The following RORA variants were observed in gnomAD, a reference collection of about 807,000 sequenced individuals.
RORA encodes the protein nuclear receptor ROR-alpha.
In RORA, 7 loss-of-function variants were observed where a neutral mutation model predicts 69.5. The observed-to-expected ratio is 0.10, with a 90% CI of 0.06 to 0.19. The LOEUF is 0.19. Ranked by LOEUF, RORA falls within the 10% of genes least tolerant of loss-of-function variation. The probability of loss-of-function intolerance (pLI) is 1.00; values close to 1 mark genes in which losing one functional copy is unlikely to be tolerated. For synonymous variants in RORA, 261 were observed against 240.8 expected (o/e 1.08, Z -0.78); for missense variants, 457 against 663.0 (o/e 0.69, Z 3.41).
At chr15:61,008,191 TTCTCTC>T (rs546893051) in intron 1 of RORA, among the ~76,000 whole-genome samples, 138 of 135,240 alleles carry the variant, frequency 1.0e-3, no homozygotes, top group Non-Finnish European at 1.7e-3. Context: ...AATTTCAAAA[TTCTCTC>T]TCTCTCTGTG....
At chr15:61,100,742 C>T (rs1026408818) in intron 1 of RORA, among the ~76,000 whole-genome samples, 2 of 152,214 alleles carry the variant, frequency 1.3e-5, no homozygotes, top group African/African-American at 4.8e-5. Flanking sequence ...ATCACCAGCA[C>T]ATGCCCTCAG....
chr15:60,518,069 G>A (rs1403911495), intron 3 of RORA, among the ~76,000 whole-genome samples: 4 of 151,952 alleles, frequency 2.6e-5, no homozygotes, highest in Admixed American at 6.6e-5. Flanking sequence ...TCGCTATGTT[G>A]CCCAGGCTGG....
intron 1 of RORA, among the ~76,000 whole-genome samples, chr15:60,943,336 C>G (rs540812887): frequency 7.3e-5 from 11 of 151,084 alleles, no homozygotes; most frequent in African/African-American, 2.7e-4. Flanking sequence ...TTAAAGTTAG[C>G]TTAGGAACGT....
intron 2 of RORA, among the ~76,000 whole-genome samples, chr15:60,631,980 T>C (rs1244059534): frequency 6.6e-6 from 1 of 152,220 alleles, no homozygotes; most frequent in East Asian, 1.9e-4. Flanking sequence ...GGGTATACTT[T>C]TATAAGAACC....
In RORA at chr15:60,881,938, C is replaced by T. The variant is rs145558901; in HGVS notation, c.167-203252G>A. Among the ~76,000 whole-genome samples, 634 of 152,346 alleles carry T rather than the reference C, an allele frequency of 4.2e-3. 4 individuals carry two copies. The highest frequency in any genetic ancestry group is 0.015 in the African/African-American group (604 of 41,588). On this transcript the variant is annotated intron_variant, in intron 1 of 10. Coordinates refer to ENST00000335670, the MANE Select transcript of RORA (RefSeq NM_134261.3). ...ACCTTGTTGGCTTACAATATAACTA[C>T]TCCAAAAGAAACGTGTTTTCCTACC...
chr15:60,517,559 A>G (rs1279712991), intron 3 of RORA, among the ~76,000 whole-genome samples: 1 of 152,180 alleles, frequency 6.6e-6, no homozygotes, highest in Non-Finnish European at 1.5e-5. Context: ...CTTACTAGAG[A>G]GAATTCAAGA....
intron 1 of RORA, among the ~76,000 whole-genome samples, chr15:61,110,412 A>G (rs1350651747): frequency 6.6e-6 from 1 of 152,032 alleles, no homozygotes; most frequent in Non-Finnish European, 1.5e-5. Flanking sequence ...AAAAAAGTAC[A>G]CACAGAATTA....
At chr15:60,794,078 G>A (rs912426225) in intron 1 of RORA, among the ~76,000 whole-genome samples, 21 of 152,310 alleles carry the variant, frequency 1.4e-4, no homozygotes, top group Admixed American at 3.9e-4. Context: ...GCTGAGTGCC[G>A]TGTGTTCAAC....
At chr15:61,051,236 G>A (rs1474876058) in intron 1 of RORA, among the ~76,000 whole-genome samples, 1 of 152,180 alleles carries the variant, frequency 6.6e-6, no homozygotes, top group Non-Finnish European at 1.5e-5. Flanking sequence ...CCTCCACTCA[G>A]AAGGAATCTG....
intron 1 of RORA, among the ~76,000 whole-genome samples, chr15:61,217,703 T>C (rs752969171): frequency 6.6e-6 from 1 of 152,108 alleles, no homozygotes. Context: ...TCAGTAAATA[T>C]ATGTTGAATG....
intron 1 of RORA, among the ~76,000 whole-genome samples, chr15:60,745,381 C>T (rs908760148): frequency 5.9e-5 from 9 of 152,198 alleles, no homozygotes; most frequent in African/African-American, 1.4e-4. Context: ...GACACATGTC[C>T]GGGTAGCTAC....
intron 1 of RORA, among the ~76,000 whole-genome samples, chr15:60,830,423 C>T (rs141630444): frequency 5.3e-5 from 8 of 152,270 alleles, no homozygotes; most frequent in South Asian, 4.1e-4. Context: ...AACATTATAT[C>T]GTGAGCATTT....
At chr15:60,901,647 C>T (rs1891396873) in intron 1 of RORA, among the ~76,000 whole-genome samples, 1 of 138,358 alleles carries the variant, frequency 7.2e-6, no homozygotes, top group Non-Finnish European at 1.6e-5. Context: ...AAATGAGTCC[C>T]ATTCACTGTT....
chr15:60,955,923 A>G (rs976988736), intron 1 of RORA, among the ~76,000 whole-genome samples: 3 of 152,256 alleles, frequency 2.0e-5, no homozygotes, highest in African/African-American at 7.2e-5. Context: ...CTGAAATTGC[A>G]AAGCGGTAGA....
At chr15:61,114,587 C>T (rs2079034112) in intron 1 of RORA, among the ~76,000 whole-genome samples, 2 of 152,218 alleles carry the variant, frequency 1.3e-5, no homozygotes, top group African/African-American at 4.8e-5. Context: ...CCCTTTTCTG[C>T]AAGTATTTGG....
At chr15:60,661,016 C>T (rs1296421696) in intron 2 of RORA, among the ~76,000 whole-genome samples, 8 of 146,780 alleles carry the variant, frequency 5.5e-5, no homozygotes, top group Middle Eastern at 3.5e-3. Context: ...ATAATAAGGG[C>T]GTGTAATTGA....
intron 1 of RORA, among the ~76,000 whole-genome samples, chr15:60,935,407 C>T (rs760597430): frequency 6.6e-6 from 1 of 152,214 alleles, no homozygotes; most frequent in Non-Finnish European, 1.5e-5. Flanking sequence ...TGTTCAAACC[C>T]ACAGTGTCCA....
chr15:60,861,503 T>C (rs1227640324), intron 1 of RORA, among the ~76,000 whole-genome samples: 2 of 152,128 alleles, frequency 1.3e-5, no homozygotes, highest in Non-Finnish European at 2.9e-5. Flanking sequence ...AGACAGTCAC[T>C]CTCCACCTTT....
At chr15:61,033,117 C>T (rs1319784876) in intron 1 of RORA, among the ~76,000 whole-genome samples, 2 of 152,152 alleles carry the variant, frequency 1.3e-5, no homozygotes, top group Admixed American at 6.5e-5. Flanking sequence ...TAAAAGTCCA[C>T]GCTCTCTTGG....
Sources: allele counts gnomAD v4.1 joint callset (sites outside exome capture counted in the v4.1 genomes callset), GRCh38; gene constraint gnomAD v4.1.1; transcripts MANE v1.5; gene names NCBI Gene and HGNC (gene_info 2026-07-23, HGNC 2026-07-21).